The following ADAP1 variants were observed in gnomAD, a reference collection of about 807,000 sequenced individuals.
The protein encoded by ADAP1 is ArfGAP with dual PH domains 1, also known as arf-GAP with dual PH domain-containing protein 1.
Under a neutral mutation model 54.9 loss-of-function variants are expected in ADAP1, and 31 were observed. That is an observed-to-expected ratio of 0.56 (90% confidence interval 0.42 to 0.76). ADAP1 has a LOEUF of 0.76. ADAP1 is among the 30% of genes least tolerant of loss of function. The probability of loss-of-function intolerance (pLI) is 0.00; values close to 1 mark genes in which losing one functional copy is unlikely to be tolerated. For missense variants in ADAP1, 535 were observed against 512.4 expected (o/e 1.04, Z -0.42); for synonymous variants, 313 against 202.6 (o/e 1.55, Z -4.63).
intron 10 of ADAP1, 39 bp downstream of exon 10, chr7:898,994 G>A (rs1424582516): frequency 5.0e-6 from 8 of 1,609,784 alleles, no homozygotes; most frequent in East Asian, 2.2e-5. Flanking sequence ...GCGGGGAGCT[G>A]GGAGCCCTTC....
At chr7:918,022 C>G (rs1473169356) in intron 4 of ADAP1, among the ~76,000 whole-genome samples, 1 of 152,160 alleles carries the variant, frequency 6.6e-6, no homozygotes, top group Non-Finnish European at 1.5e-5. Flanking sequence ...CTCCTGAGAT[C>G]AGGAGATCTG....
intron 6 of ADAP1, chr7:901,325 C>G (rs11768769): frequency 0.1 from 25,948 of 253,536 alleles, 1,482 homozygotes; most frequent in African/African-American, 0.15. Flanking sequence ...TTATAACCTG[C>G]GCCCTGGGCC....
At chr7:925,493 G>A (rs1343951628) in intron 3 of ADAP1, among the ~76,000 whole-genome samples, 5 of 23,858 alleles carry the variant, frequency 2.1e-4, no homozygotes, top group East Asian at 7.8e-4. Context: ...ACCCCCACCC[G>A]CCTTCCAGGG....
At position 945,125 on chromosome 7, in the gene ADAP1, C is replaced by T. The variant is rs971272488; in HGVS notation, c.82+9271G>A. Among the ~76,000 whole-genome samples, 6 of 152,202 alleles carry T rather than the reference C, an allele frequency of 3.9e-5. No individual in the cohort carries two copies. The highest frequency in any genetic ancestry group is 1.4e-4 in the African/African-American group (6 of 41,446). On this transcript the variant is annotated intron_variant, in intron 1 of 10. Transcript: ENST00000265846. The surrounding 1 kb of genome is among the most constrained non-coding windows in gnomAD (Gnocchi z 4.2). Reference sequence around the variant, plus strand: ...AGCTTCCAGTAAGGAAAAAGCCTGGCTGGTCCCCAAGGCAGAAGGGACGGG... The same window carrying T: ...AGCTTCCAGTAAGGAAAAAGCCTGGTTGGTCCCCAAGGCAGAAGGGACGGG...
intron 1 of ADAP1, among the ~76,000 whole-genome samples, chr7:953,344 C>G (rs1249754037): frequency 1.3e-5 from 2 of 152,244 alleles, no homozygotes; most frequent in African/African-American, 4.8e-5. Context: ...CAAGCTGCAG[C>G]TGGACAGCAG....
chr7:907,665 CAG>C (rs1042520853), intron 4 of ADAP1, among the ~76,000 whole-genome samples: 1 of 152,348 alleles, frequency 6.6e-6, no homozygotes, highest in African/African-American at 2.4e-5. Flanking sequence ...CCTGCGGACT[CAG>C]ATGCAGCTTC....
At chr7:930,964 A>G (rs973146278) in intron 2 of ADAP1, among the ~76,000 whole-genome samples, 2 of 137,758 alleles carry the variant, frequency 1.5e-5, no homozygotes, top group African/African-American at 5.4e-5. Context: ...TGGGCGACAG[A>G]GTCAGACTGT....
In ADAP1 at chr7:946,680, AC is replaced by A; in HGVS notation, c.82+7715del. On this transcript the variant is annotated intron_variant, in intron 1 of 10. Transcript: ENST00000265846. This position sits in a 1 kb window ranked among gnomAD's most constrained non-coding sequence, Gnocchi z 4.3. ...CCGGAGCCCACTCTCTGGGGCCCCCACCCCGCGCCCCTCCAGGCTCTTCAGG... is the reference window on the plus strand; with the variant it reads ...CCGGAGCCCACTCTCTGGGGCCCCCACCCGCGCCCCTCCAGGCTCTTCAGG... Among the ~76,000 whole-genome samples the A allele has an allele frequency of 6.9e-6, 1 of 144,074 alleles. No individual in the cohort carries two copies. The highest frequency in any genetic ancestry group is 2.6e-5 in the African/African-American group (1 of 38,406). 94.5% of individuals were successfully genotyped at this position (144,074 alleles called of 152,430 possible).
intron 1 of ADAP1, among the ~76,000 whole-genome samples, chr7:953,536 G>A (rs1215466942): frequency 1.3e-5 from 2 of 152,214 alleles, no homozygotes; most frequent in African/African-American, 2.4e-5. Flanking sequence ...TGTTCCGAGG[G>A]GCTTAGACTA....
rs1562909453 is a variant in ADAP1, at chr7:904,210, C to T, written c.564G>A (p.Lys188=). 7 of 1,611,278 alleles carry T rather than the reference C, an allele frequency of 4.3e-6. No individual in the cohort carries two copies. In the East Asian group the frequency reaches 1.3e-4, roughly 31 times the overall value. The change falls in exon 6 of 11, where the codon AAG becomes AAA. Residue 188 remains lysine, a synonymous_variant. Transcript: ENST00000265846. The part of the protein sequence containing the change: ...EHLNATFQPA[K]IGHPHGLQVT... ...CCTGCAGGCCGTGGGGGTGGCCGAT[C>T]TTGGCCGGCTGGAAGGTGGCGTTCA...
intron 4 of ADAP1, among the ~76,000 whole-genome samples, chr7:915,605 A>C (rs1562922599): frequency 6.6e-6 from 1 of 152,174 alleles, no homozygotes; most frequent in Non-Finnish European, 1.5e-5. Flanking sequence ...CGAGGGTCAC[A>C]CGGGAGGCTT....
chr7:905,834 AGAAGGGAGAAG>A (rs1562913050), intron 4 of ADAP1, among the ~76,000 whole-genome samples: 12 of 47,204 alleles, frequency 2.5e-4, no homozygotes, highest in African/African-American at 7.5e-4. Flanking sequence ...GGGAGAAGGG[AGAAGGGAGAAG>A]GGAGAAGGGA....
Position 904,271 on chromosome 7 carries a change from G to C in ADAP1, c.503C>G (p.Ala168Gly), listed in dbSNP as rs1165569913. 6.3e-7 allele frequency: 1 copy of C among 1,588,364 alleles called. No individual in the cohort carries two copies. Among genetic ancestry groups the C allele is most frequent in the Admixed American group, 1.7e-5 (1 of 58,370 alleles). ...GALKYFNRND[A>G]KEPKAVMKIE... ...CTTCATCACGGCCTTGGGCTCCTTG[G>C]CCTGAGAAGGGGTGGGGTCTAAGCA... The change falls in exon 6 of 11, where the codon GCC (alanine) becomes GGC (glycine). Residue 168 changes from alanine (A) to glycine (G), a missense_variant and splice_region_variant. Physicochemically the swap from Ala to Gly is moderately conservative, Grantham distance 60 (BLOSUM62 0). Coordinates refer to ENST00000265846, the MANE Select transcript of ADAP1 (RefSeq NM_006869.4).
chr7:952,990 GC>G (rs1392219714), intron 1 of ADAP1, among the ~76,000 whole-genome samples: 1 of 152,136 alleles, frequency 6.6e-6, no homozygotes, highest in East Asian at 1.9e-4. Context: ...CTGGAGAGGG[GC>G]CCTGAGTCCA....
chr7:954,090 C>A (rs1270565080), intron 1 of ADAP1, among the ~76,000 whole-genome samples: 1 of 151,712 alleles, frequency 6.6e-6, no homozygotes, highest in Non-Finnish European at 1.5e-5. Context: ...CGCAACGCGG[C>A]GGGCGGTCCG....
chr7:916,746 A>G (rs1845948757), intron 4 of ADAP1, among the ~76,000 whole-genome samples: 4 of 152,106 alleles, frequency 2.6e-5, no homozygotes, highest in Admixed American at 2.6e-4. Flanking sequence ...GCTGTGTGCC[A>G]AGTGGGGGTT....
At chr7:953,010 G>A (rs187366531) in intron 1 of ADAP1, among the ~76,000 whole-genome samples, 2 of 152,284 alleles carry the variant, frequency 1.3e-5, no homozygotes, top group East Asian at 3.9e-4. Context: ...CAGAGAAGCT[G>A]CTCCCAGGCT....
chr7:925,415 G>A (rs1583168466), intron 3 of ADAP1, among the ~76,000 whole-genome samples: 1 of 149,324 alleles, frequency 6.7e-6, no homozygotes, highest in South Asian at 2.1e-4. Flanking sequence ...TTGCAGCCGG[G>A]AAGTCCGTCC....
chr7:940,412 C>A (rs948013717), intron 1 of ADAP1, among the ~76,000 whole-genome samples: 1 of 151,064 alleles, frequency 6.6e-6, no homozygotes, highest in Non-Finnish European at 1.5e-5. Context: ...AATCAAAAGA[C>A]GAGAGCCAGT....
Sources: gnomAD v4.1 joint callset for allele counts (sites outside exome capture counted in the v4.1 genomes callset) on GRCh38, gnomAD v4.1.1 for gene constraint, Gnocchi (gnomAD v3.1) non-coding constraint, MANE v1.5 for transcripts, NCBI Gene and HGNC (gene_info 2026-07-23, HGNC 2026-07-21) for gene names.